Variants in UNC13A observed in about 807,000 individuals in gnomAD.
UNC13A encodes protein unc-13 homolog A.
UNC13A carries 61 observed loss-of-function variants against 219.7 expected under a neutral mutation model. That is an observed-to-expected ratio of 0.28 (90% confidence interval 0.23 to 0.34). The LOEUF (loss-of-function observed/expected upper bound fraction) is 0.34, where lower values mean the gene tolerates loss of function less well. Among genes scored for constraint, UNC13A ranks in the 10% least tolerant of loss-of-function variants. The probability of loss-of-function intolerance (pLI) is 1.00; values close to 1 mark genes in which losing one functional copy is unlikely to be tolerated. For synonymous variants in UNC13A, 920 were observed against 884.6 expected (o/e 1.04, Z -0.71); for missense variants, 1,476 against 2,270.3 (o/e 0.65, Z 7.11).
In UNC13A at chr19:17,627,123, G is replaced by A. The variant is rs1274462717; in HGVS notation, c.3921-338C>T. On this transcript the variant is annotated intron_variant, in intron 33 of 43. Transcript: ENST00000519716. The surrounding 1 kb of genome is among the most constrained non-coding windows in gnomAD (Gnocchi z 4.7). ...GGAGGGTGCAGTGAGCCGAGATCGC[G>A]CCACTGCACTCCAGCCTGGTGACAG... 1.3e-5 allele frequency among the ~76,000 whole-genome samples: 2 copies of A among 151,538 alleles called. No homozygotes were observed. The highest frequency in any genetic ancestry group is 4.8e-5 in the African/African-American group (2 of 41,266).
chr19:17,647,374 G>C lies in UNC13A; in HGVS notation c.1935C>G (p.Ile645Met). The change falls in exon 17 of 44, where the codon ATC becomes ATG. Residue 645 changes from isoleucine to methionine, a missense_variant. Physicochemically the swap from Ile to Met is conservative, Grantham distance 10. Coordinates refer to ENST00000519716, the MANE Select transcript of UNC13A (RefSeq NM_001080421.3). ...ERNKPEIFELIQEIFAVTKTA... is the reference protein window; with the variant it reads ...ERNKPEIFELMQEIFAVTKTA... ...TCTTGGTCACCGCGAAGATCTCCTG[G>C]ATGAGCTCGAAGATCTCGGGCTTGT... 6.2e-7 allele frequency: 1 copy of C among 1,613,684 alleles called. No homozygotes were observed. Among genetic ancestry groups the C allele is most frequent in the Non-Finnish European group, 8.5e-7 (1 of 1,179,816 alleles).
chr19:17,686,647 T>G (rs990566043), intron 1 of UNC13A, among the ~76,000 whole-genome samples: 1 of 151,970 alleles, frequency 6.6e-6, no homozygotes, highest in African/African-American at 2.4e-5. Flanking sequence ...CTAGGGACCC[T>G]TCTTCCACCA....
intron 34 of UNC13A, among the ~76,000 whole-genome samples, chr19:17,625,966 C>T (rs899604844): frequency 6.6e-6 from 1 of 150,946 alleles, no homozygotes; most frequent in Admixed American, 6.6e-5. Context: ...GCCAGACAGA[C>T]ATCTATGCAT....
In UNC13A at chr19:17,656,145, C is replaced by T. The variant is rs1293179785; in HGVS notation, c.1021G>A (p.Glu341Lys). ...FLEEEELPED[E>K]EELEEEEEEV... ...TCCTCCTCCTCCTCCAGCTCCTCCT[C>T]ATCTTCAGGCAGCTCCTCCTCCTCC... Residue 341 changes from glutamate to lysine, a missense_variant, in exon 10 of 44, where the codon GAG becomes AAG. Physicochemically the swap from Glu to Lys is moderately conservative, Grantham distance 56 (BLOSUM62 1). Transcript: ENST00000519716. The T allele has an allele frequency of 1.3e-6, 2 of 1,552,198 alleles. No homozygotes were observed. The highest frequency in any genetic ancestry group is 8.7e-7 in the Non-Finnish European group (1 of 1,147,064).
At chr19:17,677,995 T>C (rs7257166) in intron 1 of UNC13A, among the ~76,000 whole-genome samples, 42,372 of 151,956 alleles carry the variant, frequency 0.28, 8,170 homozygotes, top group African/African-American at 0.55. Context: ...TACTAGCGAG[T>C]TGAAGGATAA....
rs539365461 is a variant in UNC13A at position 17,605,444 on chromosome 19, G to C, written c.*610C>G. On this transcript the variant is annotated 3_prime_UTR_variant, in exon 44 of 44. Transcript: ENST00000519716. ...CCCCAGGGTTTGGGCGCCCAAGGGCGCATGTGCTTTTGAAATCCCATCCTC... is the reference window on the plus strand; with the variant it reads ...CCCCAGGGTTTGGGCGCCCAAGGGCCCATGTGCTTTTGAAATCCCATCCTC... 9 of 152,830 alleles carry C rather than the reference G, an allele frequency of 5.9e-5. No homozygotes were observed. The highest frequency in any genetic ancestry group is 2.0e-4 in the Admixed American group (3 of 15,308). The allele number at this position is 152,830 out of a possible 1,614,324, so 9.5% of individuals were successfully genotyped here. A position where few individuals can be genotyped will look rare whatever the true frequency, so the allele number is the denominator to read the frequency against.
At chr19:17,656,705 A>G (rs1050529847) in intron 9 of UNC13A, among the ~76,000 whole-genome samples, 14 of 152,034 alleles carry the variant, frequency 9.2e-5, no homozygotes, top group African/African-American at 3.1e-4. Context: ...TACAAAAATT[A>G]GCTGCGCATG....
chr19:17,670,241 C>T lies in UNC13A; in HGVS notation c.271-565G>A, dbSNP rs369677521. 2.3e-4 allele frequency among the ~76,000 whole-genome samples: 34 copies of T among 150,538 alleles called. 2 individuals are homozygous for T. The East Asian group carries it at 6.2e-3, about 27-fold the overall frequency. ...GATTACAGGCATGAGCCACCATGCC[C>T]GGCCTAATTTAATTTTTTTGAGACA... On this transcript the variant is annotated intron_variant, in intron 4 of 43. Coordinates refer to ENST00000519716, the MANE Select transcript of UNC13A (RefSeq NM_001080421.3).
Position 17,636,062 on chromosome 19 carries a change from A to G in UNC13A, c.3177T>C (p.Ile1059=), listed in dbSNP as rs770125914. The change falls in exon 26 of 44, where the codon ATT becomes ATC. Residue 1059 remains isoleucine (I), a synonymous_variant. Transcript: ENST00000519716. Reference sequence around the variant, plus strand: ...GAGTGTAGGAATTCTTGTCTTCCTCAATGATGGACACTATGAGGGTAATCA... The same window carrying G: ...GAGTGTAGGAATTCTTGTCTTCCTCGATGATGGACACTATGAGGGTAATCA... ...SKLITLIVSI[I]EEDKNSYTPC... The G allele has an allele frequency of 3.1e-6, 5 of 1,612,386 alleles. No homozygotes were observed. Among genetic ancestry groups the G allele is most frequent in the Middle Eastern group, 1.6e-4 (1 of 6,062 alleles).
chr19:17,644,692 C>T (rs925781723), intron 19 of UNC13A, among the ~76,000 whole-genome samples: 1 of 151,102 alleles, frequency 6.6e-6, no homozygotes, highest in African/African-American at 2.4e-5. Context: ...ACACTGCACC[C>T]GGCCATATTT....
Position 17,663,563 on chromosome 19 carries a change from G to C in UNC13A, c.528C>G (p.Asn176Lys). The C allele has an allele frequency of 6.2e-7, 1 of 1,611,430 alleles. No individual in the cohort carries two copies. Residue 176 changes from asparagine to lysine, a missense_variant, in exon 8 of 44, where the codon AAC becomes AAG. This residue lies in a region of UNC13A where 203 missense variants were observed against 301.6 expected (regional missense o/e 0.67). Coordinates refer to ENST00000519716, the MANE Select transcript of UNC13A (RefSeq NM_001080421.3). ...GCTCACCCCAGCCAAAATAATTCCA[G>C]TTGCCTACAAAGAGAAGGGGCAGAA... Reference protein sequence around the residue: ...PLPVPSNQCCNWNYFGWGEQH... With the variant: ...PLPVPSNQCCKWNYFGWGEQH...
chr19:17,623,326 T>C (rs1362076007), intron 36 of UNC13A: 3 of 488,944 alleles, frequency 6.1e-6, no homozygotes, highest in Non-Finnish European at 3.6e-6. Context: ...TGGACTTCAG[T>C]GGGACAGGGA....
rs776598112 is a variant in UNC13A, at chr19:17,668,094, TC to T, written c.468+22del. On this transcript the variant is annotated intron_variant, in intron 6 of 43. Transcript: ENST00000519716. ...AGAGACAGAAACAAGGAAGAAACAGTCCCCTCCCACCCCAACACTCACTTCA... is the reference window on the plus strand; with the variant it reads ...AGAGACAGAAACAAGGAAGAAACAGTCCCTCCCACCCCAACACTCACTTCA... 4 of 1,610,586 alleles carry T rather than the reference TC, an allele frequency of 2.5e-6. No individual in the cohort carries two copies. The South Asian group carries it at 4.4e-5, about 18-fold the overall frequency.
rs1258606104 is a variant in UNC13A, at chr19:17,627,445, C to T, written c.3920+64G>A. 2 of 1,309,106 alleles carry T rather than the reference C, an allele frequency of 1.5e-6. No homozygotes were observed. The highest frequency in any genetic ancestry group is 1.1e-6 in the Non-Finnish European group (1 of 929,748). The allele number at this position is 1,309,106 out of a possible 1,614,324, so 81.1% of individuals were successfully genotyped here. On this transcript the variant is annotated intron_variant, in intron 33 of 43. Coordinates refer to ENST00000519716, the MANE Select transcript of UNC13A (RefSeq NM_001080421.3). This position sits in a 1 kb window ranked among gnomAD's most constrained non-coding sequence, Gnocchi z 4.7. ...CTACATCTGCTGAGCCTCCAGATGC[C>T]CCAGGCTTAGAGGGCTGAAGGCTGT...
At chr19:17,671,410 G>A (rs1259274218) in intron 4 of UNC13A, among the ~76,000 whole-genome samples, 1 of 152,044 alleles carries the variant, frequency 6.6e-6, no homozygotes, top group Non-Finnish European at 1.5e-5. Context: ...GCCTTCCTGG[G>A]GTCAGCATGG....
At chr19:17,635,905 A>T in intron 26 of UNC13A, 119 bp downstream of exon 26, 1 of 1,309,294 alleles carries the variant, frequency 7.6e-7, no homozygotes. Flanking sequence ...CAGACCCACA[A>T]TTACCCCCAG....
chr19:17,607,804 C>T (rs1272886609), intron 43 of UNC13A, among the ~76,000 whole-genome samples: 2 of 151,426 alleles, frequency 1.3e-5, no homozygotes, highest in African/African-American at 4.9e-5. Context: ...ACACTCGACC[C>T]AAGGATCTAC....
intron 28 of UNC13A, among the ~76,000 whole-genome samples, chr19:17,632,026 T>C (rs891090286): frequency 1.3e-5 from 2 of 152,192 alleles, no homozygotes; most frequent in Non-Finnish European, 2.9e-5. Flanking sequence ...TTCTCATGCC[T>C]CAGCCTCCCA....
At chr19:17,673,374 GTA>G (rs903704075) in intron 3 of UNC13A, among the ~76,000 whole-genome samples, 1 of 110,494 alleles carries the variant, frequency 9.1e-6, no homozygotes, top group East Asian at 3.0e-4. Flanking sequence ...AAAAAAAAAA[GTA>G]TATATATATC....
Sources: gnomAD v4.1 joint callset for allele counts (sites outside exome capture counted in the v4.1 genomes callset) on GRCh38, gnomAD v4.1.1 for gene constraint, gnomAD v4.1.1 regional missense constraint, Gnocchi (gnomAD v3.1) non-coding constraint, MANE v1.5 for transcripts, NCBI Gene and HGNC (gene_info 2026-07-23, HGNC 2026-07-21) for gene names.